Variants in ERBB4 observed in about 807,000 individuals in gnomAD.
The protein encoded by ERBB4 is receptor tyrosine-protein kinase erbB-4.
A neutral mutation model predicts 158.0 loss-of-function variants in ERBB4; 42 were observed. The ratio of observed to expected loss-of-function variants is 0.27; its 90% CI spans 0.21 to 0.34. The LOEUF is 0.34. ERBB4 is among the 10% of genes least tolerant of loss of function. The probability of loss-of-function intolerance (pLI) is 1.00; values close to 1 mark genes in which losing one functional copy is unlikely to be tolerated. For synonymous variants in ERBB4, 583 were observed against 558.7 expected, an observed-to-expected ratio of 1.04 and a Z score of -0.61; for missense variants, 1,333 against 1,624.1, an observed-to-expected ratio of 0.82 and a Z score of 3.08.
At chr2:211,903,889 T>G (rs1048322885) in intron 3 of ERBB4, among the ~76,000 whole-genome samples, 3 of 152,032 alleles carry the variant, frequency 2.0e-5, no homozygotes, top group Non-Finnish European at 4.4e-5. Flanking sequence ...TGCTGATATA[T>G]CCTAGGGACA....
intron 1 of ERBB4, among the ~76,000 whole-genome samples, chr2:212,323,845 C>T (rs1187240435): frequency 2.0e-5 from 2 of 99,878 alleles, no homozygotes; most frequent in Non-Finnish European, 5.1e-5. Context: ...AATAAAATCT[C>T]AGAAATCCAT....
chr2:212,063,235 G>A (rs2077834355), intron 2 of ERBB4, among the ~76,000 whole-genome samples: 1 of 151,848 alleles, frequency 6.6e-6, no homozygotes, highest in Non-Finnish European at 1.5e-5. Flanking sequence ...TGTTCCACCA[G>A]AATAGAAACA....
chr2:212,149,841 A>T (rs2080813271), intron 1 of ERBB4, among the ~76,000 whole-genome samples: 1 of 152,170 alleles, frequency 6.6e-6, no homozygotes, highest in South Asian at 2.1e-4. Flanking sequence ...TTCTAACAAA[A>T]TTGAAATTTG....
chr2:212,165,722 A>G (rs2125658401), intron 1 of ERBB4, among the ~76,000 whole-genome samples: 1 of 152,132 alleles, frequency 6.6e-6, no homozygotes, highest in East Asian at 1.9e-4. Context: ...TTCTAAAGTC[A>G]TCCATGAGCA....
At chr2:212,354,906 T>C (rs1004497915) in intron 1 of ERBB4, among the ~76,000 whole-genome samples, 1 of 151,996 alleles carries the variant, frequency 6.6e-6, no homozygotes, top group African/African-American at 2.4e-5. Flanking sequence ...ATTAGCTATA[T>C]ATTAAATACA....
chr2:212,187,846 G>A (rs1575770088), intron 1 of ERBB4, among the ~76,000 whole-genome samples: 1 of 152,016 alleles, frequency 6.6e-6, no homozygotes, highest in Non-Finnish European at 1.5e-5. Context: ...TAGAAGTGAT[G>A]TTATGAAATA....
At chr2:211,742,595 G>GT (rs5838281) in intron 5 of ERBB4, among the ~76,000 whole-genome samples, 68,854 of 151,440 alleles carry the variant, frequency 0.45, 15,963 homozygotes, top group Middle Eastern at 0.57. Context: ...CTAAGGTTTT[G>GT]TTTTTTTCCC....
intron 4 of ERBB4, among the ~76,000 whole-genome samples, chr2:211,773,626 ATATATATAT>A (rs1352326231): frequency 2.7e-4 from 21 of 78,550 alleles, no homozygotes; most frequent in African/African-American, 1.1e-3. Context: ...ATATATATAT[ATATATATAT>A]ATATATATAT....
intron 1 of ERBB4, among the ~76,000 whole-genome samples, chr2:212,313,280 C>T (rs1331071169): frequency 1.3e-5 from 2 of 150,784 alleles, no homozygotes; most frequent in African/African-American, 2.4e-5. Flanking sequence ...TATAACTTTA[C>T]TATCAAATAA....
rs1046166559 is a variant in ERBB4, at chr2:212,483,681, C to G, written c.82+54768G>C. On this transcript the variant is annotated intron_variant, in intron 1 of 27. Coordinates refer to ENST00000342788, the MANE Select transcript of ERBB4 (RefSeq NM_005235.3). Reference sequence around the variant, plus strand: ...CTGGAACTCTTTCAAGAAGCCTCACCCATTGACTCTTTCTAAATCTGCTAT... The same window carrying G: ...CTGGAACTCTTTCAAGAAGCCTCACGCATTGACTCTTTCTAAATCTGCTAT... Among the ~76,000 whole-genome samples the G allele has an allele frequency of 2.6e-5, 4 of 152,108 alleles. No individual in the cohort carries two copies. The East Asian group carries it at 5.8e-4, about 22-fold the overall frequency.
intron 1 of ERBB4, among the ~76,000 whole-genome samples, chr2:212,451,136 T>A (rs1377850208): frequency 6.6e-6 from 1 of 152,188 alleles, no homozygotes; most frequent in Non-Finnish European, 1.5e-5. Flanking sequence ...AGACTTTTTA[T>A]CTCAGTCCAG....
intron 3 of ERBB4, among the ~76,000 whole-genome samples, chr2:211,866,552 A>G (rs772330438): frequency 3.9e-5 from 6 of 152,164 alleles, no homozygotes; most frequent in East Asian, 1.9e-4. Context: ...TAATGCAACA[A>G]TTGCTCTACT....
At chr2:211,652,122 G>T (rs1041861406) in intron 16 of ERBB4, among the ~76,000 whole-genome samples, 33 of 152,160 alleles carry the variant, frequency 2.2e-4, no homozygotes, top group African/African-American at 7.7e-4. Context: ...AAATACTTCT[G>T]TTAAAGTAAC....
chr2:211,801,683 AAAAT>A (rs1235859576), intron 3 of ERBB4, among the ~76,000 whole-genome samples: 3 of 152,174 alleles, frequency 2.0e-5, no homozygotes, highest in African/African-American at 7.2e-5. Context: ...GATATAAAGT[AAAAT>A]AAGAGAAAAT....
rs1439253 is a variant in ERBB4, at chr2:211,852,490, G to T, written c.422-64331C>A. 5.9e-5 allele frequency among the ~76,000 whole-genome samples: 9 copies of T among 151,574 alleles called. No individual in the cohort carries two copies. The East Asian group carries it at 1.4e-3, about 23-fold the overall frequency. ...GGTCCTTATGCAGTATCATCAATTGGTTCTTGGAAACTGTGACTTTTAAGT... is the reference window on the plus strand; with the variant it reads ...GGTCCTTATGCAGTATCATCAATTGTTTCTTGGAAACTGTGACTTTTAAGT... On this transcript the variant is annotated intron_variant, in intron 3 of 27. Coordinates refer to ENST00000342788, the MANE Select transcript of ERBB4 (RefSeq NM_005235.3).
At chr2:212,444,380 T>C (rs542523972) in intron 1 of ERBB4, among the ~76,000 whole-genome samples, 1 of 152,318 alleles carries the variant, frequency 6.6e-6, no homozygotes, top group East Asian at 1.9e-4. Flanking sequence ...TGCGATTATA[T>C]ACTGTTCATG....
At chr2:211,964,635 C>T (rs971994119) in intron 2 of ERBB4, among the ~76,000 whole-genome samples, 1 of 152,118 alleles carries the variant, frequency 6.6e-6, no homozygotes, top group Admixed American at 6.6e-5. Flanking sequence ...CTGATATAAT[C>T]TCTACTAGCT....
chr2:212,382,381 T>C (rs2090533114), intron 1 of ERBB4, among the ~76,000 whole-genome samples: 1 of 150,886 alleles, frequency 6.6e-6, no homozygotes, highest in Non-Finnish European at 1.5e-5. Flanking sequence ...AATATTTTTG[T>C]GAACTCTATG....
intron 2 of ERBB4, among the ~76,000 whole-genome samples, chr2:212,088,359 G>A (rs2078676801): frequency 1.3e-5 from 2 of 152,144 alleles, no homozygotes; most frequent in South Asian, 4.1e-4. Context: ...AAAGGAAGAT[G>A]TGGGTTTTAA....
Sources: gnomAD v4.1 joint callset for allele counts (sites outside exome capture counted in the v4.1 genomes callset) on GRCh38, gnomAD v4.1.1 for gene constraint, MANE v1.5 for transcripts, NCBI Gene and HGNC (gene_info 2026-07-23, HGNC 2026-07-21) for gene names.